Variants in PDZD7 observed in about 807,000 individuals in gnomAD.
The protein encoded by PDZD7 is PDZ domain containing 7.
A neutral mutation model predicts 84.7 loss-of-function variants in PDZD7; 72 were observed. The observed-to-expected ratio is 0.85, with a 90% confidence interval of 0.70 to 1.03. The LOEUF is 1.03. PDZD7 is among the 50% of genes least tolerant of loss of function. The pLI, the probability that PDZD7 is intolerant of heterozygous loss-of-function variation, is 0.00. For missense variants in PDZD7, 1,490 were observed against 1,412.9 expected, an observed-to-expected ratio of 1.05 and a Z score of -0.87; for synonymous variants, 594 against 580.7, an observed-to-expected ratio of 1.02 and a Z score of -0.33.
At chr10:101,013,995 G>A (rs546686820) in intron 11 of PDZD7, among the ~76,000 whole-genome samples, 222 of 150,146 alleles carry the variant, frequency 1.5e-3, no homozygotes, top group African/African-American at 4.7e-3. Flanking sequence ...GATTACAGGC[G>A]CCCACCACCA....
rs183951144 is a variant in PDZD7, at chr10:101,029,772, T to C, written c.226+222A>G. ...CTGCCATGGCCTTCTTTCCCTCCTC[T>C]GACCCTTCTACGACCCTGGACCCCT... is the stretch of plus-strand genomic sequence containing the variant. On this transcript the variant is annotated intron_variant, in intron 2 of 16. Transcript: ENST00000619208. Among the ~76,000 whole-genome samples, 287 of 152,312 alleles carry C rather than the reference T, an allele frequency of 1.9e-3. 4 individuals are homozygous for C. The highest frequency in any genetic ancestry group is 6.6e-3 in the African/African-American group (275 of 41,570).
rs1340772541 is a variant in PDZD7 at position 101,008,674 on chromosome 10, A to G, written c.2895T>C (p.Thr965=). Reference sequence around the variant, plus strand: ...AGTGGTCAGCAGGAAGGCCCCCATCAGTAAGGGCTGATGAGTCAGAGGGTG... The same window carrying G: ...AGTGGTCAGCAGGAAGGCCCCCATCGGTAAGGGCTGATGAGTCAGAGGGTG... The part of the protein sequence containing the change: ...RPSPSDSSAL[T]DGGLPADHLP... The change falls in exon 17 of 17, where the codon ACT becomes ACC. Residue 965 remains threonine (T), a synonymous_variant. Transcript: ENST00000619208. 1 of 1,536,034 alleles carries G rather than the reference A, an allele frequency of 6.5e-7. No homozygotes were observed. Among genetic ancestry groups the G allele is most frequent in the African/African-American group, 1.4e-5 (1 of 73,090 alleles).
intron 10 of PDZD7, among the ~76,000 whole-genome samples, chr10:101,016,039 C>A (rs757997092): frequency 2.0e-5 from 3 of 152,178 alleles, no homozygotes; most frequent in Non-Finnish European, 4.4e-5. Flanking sequence ...GGGGTCTTAG[C>A]CCAGTGCCCC....
chr10:101,025,827 G>A (rs191578638), intron 2 of PDZD7, among the ~76,000 whole-genome samples: 44 of 152,254 alleles, frequency 2.9e-4, no homozygotes, highest in South Asian at 6.2e-4. Context: ...GATTACAGGC[G>A]TGAGCCACCA....
chr10:101,012,667 T>C (rs1431664775), intron 11 of PDZD7, among the ~76,000 whole-genome samples: 1 of 152,170 alleles, frequency 6.6e-6, no homozygotes. Context: ...CCGGGAAGTC[T>C]AACTCTTGCC....
At chr10:101,025,623 C>T (rs1937641685) in intron 2 of PDZD7, among the ~76,000 whole-genome samples, 2 of 151,250 alleles carry the variant, frequency 1.3e-5, no homozygotes, top group African/African-American at 4.9e-5. Flanking sequence ...TCTCAGCTCA[C>T]TGCAAGCTCC....
At chr10:101,022,001 A>C in intron 5 of PDZD7, 56 bp from the exon 6 acceptor site, 1 of 1,599,032 alleles carries the variant, frequency 6.3e-7, no homozygotes, top group Non-Finnish European at 8.5e-7. Flanking sequence ...CCGTTACCCC[A>C]CTCCAGACCC....
chr10:101,023,163 G>A (rs1297123707), intron 4 of PDZD7: 3 of 471,160 alleles, frequency 6.4e-6, no homozygotes, highest in Non-Finnish European at 1.2e-5. Context: ...CACCCCTGTA[G>A]AGAGGTGGTG....
chr10:101,021,949 A>G lies in PDZD7; in HGVS notation c.720-4T>C. 6.2e-7 allele frequency: 1 copy of G among 1,614,022 alleles called. No individual in the cohort carries two copies. Among genetic ancestry groups the G allele is most frequent in the Non-Finnish European group, 8.5e-7 (1 of 1,179,990 alleles). On this transcript the variant is annotated splice_region_variant and splice_polypyrimidine_tract_variant and intron_variant, in intron 5 of 16. Coordinates refer to ENST00000619208, the MANE Select transcript of PDZD7 (RefSeq NM_001195263.2). Reference sequence around the variant, plus strand: ...GGCCAGCCCACCATGGTCCACTCTGAGGCCAGACAGGCGTCAGTCTGATAG... The same window carrying G: ...GGCCAGCCCACCATGGTCCACTCTGGGGCCAGACAGGCGTCAGTCTGATAG...
rs3832692 is a variant in PDZD7 at position 101,020,744 on chromosome 10, CG to C, written c.868-67del. 7.2e-5 allele frequency: 85 copies of C among 1,184,598 alleles called. No individual in the cohort carries two copies. In the East Asian group the frequency reaches 1.9e-3, roughly 27 times the overall value. The allele number at this position is 1,184,598 out of a possible 1,614,324, so 73.4% of individuals were successfully genotyped here. A position where few individuals can be genotyped will look rare whatever the true frequency, so the allele number is the denominator to read the frequency against. On this transcript the variant is annotated intron_variant, in intron 6 of 16. Coordinates refer to ENST00000619208, the MANE Select transcript of PDZD7 (RefSeq NM_001195263.2). ...GTGAGGAGGGAGAGTGAGAATGGGGCGGGGGTGACAGGATGGGAGTAAACTT... is the reference window on the plus strand; with the variant it reads ...GTGAGGAGGGAGAGTGAGAATGGGGCGGGGTGACAGGATGGGAGTAAACTT...
At chr10:101,021,681 T>C in intron 6 of PDZD7, 117 bp downstream of exon 6, 1 of 1,476,734 alleles carries the variant, frequency 6.8e-7, no homozygotes, top group Non-Finnish European at 9.5e-7. Flanking sequence ...ACAATGCCTG[T>C]CTACCTTCTA....
intron 2 of PDZD7, among the ~76,000 whole-genome samples, chr10:101,026,513 A>G (rs1274088291): frequency 6.6e-6 from 1 of 151,760 alleles, no homozygotes; most frequent in East Asian, 1.9e-4. Flanking sequence ...ATGAGGGGGA[A>G]AGAGCCAGGG....
intron 11 of PDZD7, 22 bp from the exon 12 acceptor site, chr10:101,012,280 G>T: frequency 6.5e-7 from 1 of 1,538,794 alleles, no homozygotes; most frequent in Non-Finnish European, 8.8e-7. Context: ...GGCAGCACAG[G>T]TCAGACAGCA....
chr10:101,027,416 A>G (rs1025307056), intron 2 of PDZD7, among the ~76,000 whole-genome samples: 1 of 152,036 alleles, frequency 6.6e-6, no homozygotes, highest in Non-Finnish European at 1.5e-5. Context: ...CTCAGACACC[A>G]CTTTCTTGGA....
rs187237808 is a variant in PDZD7, at chr10:101,027,730, T to G, written c.226+2264A>C. Reference sequence around the variant, plus strand: ...TTGTCGTCGTTCGCTTATTTGTGATTTATCTGTCTCTTTTCACTAGACCAT... The same window carrying G: ...TTGTCGTCGTTCGCTTATTTGTGATGTATCTGTCTCTTTTCACTAGACCAT... On this transcript the variant is annotated intron_variant, in intron 2 of 16. Coordinates refer to ENST00000619208, the MANE Select transcript of PDZD7 (RefSeq NM_001195263.2). 6.6e-5 allele frequency among the ~76,000 whole-genome samples: 10 copies of G among 152,336 alleles called. No individual in the cohort carries two copies. In the East Asian group the frequency reaches 1.9e-3, roughly 29 times the overall value.
Position 101,008,548 on chromosome 10 carries a change from G to C in PDZD7, c.3021C>G (p.Leu1007=). 1 of 1,535,604 alleles carries C rather than the reference G, an allele frequency of 6.5e-7. No homozygotes were observed. The highest frequency in any genetic ancestry group is 8.7e-7 in the Non-Finnish European group (1 of 1,146,808). ...AGGGGGCTGGGCTGGGAGTTGGCTG[G>C]AGGAGCCTGGCATCAGTGGGAGGAG... ...PQTPPTDARL[L]QPTPSPAPSP... The change falls in exon 17 of 17, where the codon CTC becomes CTG. Residue 1007 remains leucine (L), a synonymous_variant. Coordinates refer to ENST00000619208, the MANE Select transcript of PDZD7 (RefSeq NM_001195263.2).
At position 101,009,289 on chromosome 10, in the gene PDZD7, GATCTTCTCT is replaced by G; in HGVS notation, c.2670_2678del (p.Glu891_Ile893del). The G allele has an allele frequency of 6.5e-7, 1 of 1,536,042 alleles. No homozygotes were observed. Among genetic ancestry groups the G allele is most frequent in the Non-Finnish European group, 8.7e-7 (1 of 1,146,844 alleles). On this transcript the variant is annotated inframe_deletion, in exon 16 of 17. Transcript: ENST00000619208. ...TGAGGAAAGCGGCCCCCCCAGGGAA[GATCTTCTCT>G]ATCTTCACCATGGGCTGCACCTTGG...
chr10:101,011,069 T>G (rs1852379608), intron 14 of PDZD7, 186 bp from the exon 15 acceptor site: 8 of 690,922 alleles, frequency 1.2e-5, no homozygotes, highest in Non-Finnish European at 1.3e-5. Context: ...TTATTTGAGA[T>G]GGAATCTCAC....
At chr10:101,026,014 A>C (rs11190802) in intron 2 of PDZD7, among the ~76,000 whole-genome samples, 55,435 of 152,050 alleles carry the variant, frequency 0.36, 13,021 homozygotes, top group African/African-American at 0.68. Flanking sequence ...CCTGGCTACA[A>C]AGGGAAAGAA....
Sources: gnomAD v4.1 joint callset for allele counts (sites outside exome capture counted in the v4.1 genomes callset) on GRCh38, gnomAD v4.1.1 for gene constraint, MANE v1.5 for transcripts, NCBI Gene and HGNC (gene_info 2026-07-23, HGNC 2026-07-21) for gene names.